BRI3BP: variants seen among roughly 807,000 people sequenced by gnomAD.
BRI3BP encodes BRI3-binding protein.
BRI3BP carries 7 observed loss-of-function variants against 15.8 expected under a neutral mutation model. The observed-to-expected ratio is 0.44, with a 90% CI of 0.25 to 0.83. The LOEUF (loss-of-function observed/expected upper bound fraction) is 0.83. BRI3BP is among the 40% of genes least tolerant of loss of function. The pLI is 0.20. For synonymous variants in BRI3BP, 192 were observed against 163.5 expected (o/e 1.17, Z -1.33); for missense variants, 320 against 339.3 (o/e 0.94, Z 0.45).
At position 125,028,544 on chromosome 12, in the gene BRI3BP, A is replaced by G. The variant is rs887535953; in HGVS notation, c.*3114A>G. The G allele has an allele frequency of 2.0e-5, 3 of 152,044 alleles. No individual in the cohort carries two copies. The highest frequency in any genetic ancestry group is 6.6e-5 in the Admixed American group (1 of 15,250). 9.4% of individuals were successfully genotyped at this position (152,044 alleles called of 1,614,324 possible). A position where few individuals can be genotyped will look rare whatever the true frequency, so the allele number is the denominator to read the frequency against. On this transcript the variant is annotated 3_prime_UTR_variant, in exon 3 of 3. Coordinates refer to ENST00000341446, the MANE Select transcript of BRI3BP (RefSeq NM_080626.6). The stretch of plus-strand genomic sequence containing the variant: ...AAGTGTAGGCTCTGAAGCCAGTTTT[A>G]TAGCTTGATACATTCTGGTGAAAGA...
chr12:125,037,436 A>C, the BRI3BP span, among the ~76,000 whole-genome samples: 2 of 152,218 alleles, frequency 1.3e-5, no homozygotes, highest in Non-Finnish European at 2.9e-5. Context: ...TAATTTAGGC[A>C]TAGCTATAGT....
the BRI3BP span, among the ~76,000 whole-genome samples, chr12:125,049,821 A>G: frequency 4.2e-3 from 610 of 144,456 alleles, 4 homozygotes; most frequent in African/African-American, 0.014. Context: ...GTGGCGCGTG[A>G]GTGTGTCCGG....
At chr12:125,009,078 C>A (rs1189677191) in intron 1 of BRI3BP, among the ~76,000 whole-genome samples, 1 of 149,142 alleles carries the variant, frequency 6.7e-6, no homozygotes, top group Non-Finnish European at 1.5e-5. Context: ...CAGGTTCAAG[C>A]GATTCTCCTG....
At chr12:125,045,790 T>A in the BRI3BP span, among the ~76,000 whole-genome samples, 1 of 152,204 alleles carries the variant, frequency 6.6e-6, no homozygotes, top group African/African-American at 2.4e-5. Flanking sequence ...TTTTTCTGTA[T>A]CAAAATTTTT....
chr12:124,994,025 G>A (rs1479657010), intron 1 of BRI3BP, 22 bp downstream of exon 1: 9 of 1,307,130 alleles, frequency 6.9e-6, no homozygotes, highest in South Asian at 1.9e-5. Context: ...GCCCGCGCCC[G>A]CGGTCACCTT....
At chr12:125,037,630 T>C in the BRI3BP span, among the ~76,000 whole-genome samples, 1 of 141,160 alleles carries the variant, frequency 7.1e-6, no homozygotes, top group Admixed American at 7.3e-5. Flanking sequence ...GCCAATATGG[T>C]GAAACCCCGT....
At chr12:125,022,629 C>T (rs1056647244) in intron 2 of BRI3BP, among the ~76,000 whole-genome samples, 2 of 151,568 alleles carry the variant, frequency 1.3e-5, no homozygotes, top group Non-Finnish European at 1.5e-5. Flanking sequence ...TGGGTTCAAG[C>T]GATTCTCGTG....
At chr12:125,034,318 T>G (rs1955427639), downstream of BRI3BP, among the ~76,000 whole-genome samples, 1 of 152,138 alleles carries the variant, frequency 6.6e-6, no homozygotes, top group Non-Finnish European at 1.5e-5. Flanking sequence ...AGTGTTGGGA[T>G]TACAGACGTG....
chr12:125,043,595 C>T, the BRI3BP span, among the ~76,000 whole-genome samples: 1 of 151,668 alleles, frequency 6.6e-6, no homozygotes, highest in African/African-American at 2.4e-5. Context: ...TGGTGGCGCA[C>T]CCTGTAATCC....
chr12:125,022,553 A>ATC (rs1955309722), intron 2 of BRI3BP, among the ~76,000 whole-genome samples: 1 of 89,804 alleles, frequency 1.1e-5, no homozygotes, highest in South Asian at 4.1e-4. Flanking sequence ...TTTTTGAGAC[A>ATC]GAGCCTCACT....
downstream of BRI3BP, among the ~76,000 whole-genome samples, chr12:125,032,985 C>G (rs1029331187): frequency 3.3e-5 from 5 of 152,106 alleles, no homozygotes; most frequent in African/African-American, 1.2e-4. Context: ...CAGCTACAGC[C>G]TCACCATCTC....
the BRI3BP span, among the ~76,000 whole-genome samples, chr12:125,037,993 G>A: frequency 3.0e-4 from 46 of 151,600 alleles, 1 homozygote; most frequent in African/African-American, 1.0e-3. Context: ...ATCTTAAGCA[G>A]TAGAAGTTCA....
intron 2 of BRI3BP, among the ~76,000 whole-genome samples, chr12:125,021,650 T>C (rs1439545290): frequency 6.6e-6 from 1 of 152,164 alleles, no homozygotes; most frequent in Admixed American, 6.5e-5. Flanking sequence ...TCAGGAAACT[T>C]GTAATCATGG....
chr12:124,994,734 C>A (rs1426210634), intron 1 of BRI3BP, among the ~76,000 whole-genome samples: 1 of 152,186 alleles, frequency 6.6e-6, no homozygotes, highest in African/African-American at 2.4e-5. Context: ...AGTCCGCCGA[C>A]TAGCTCTTGA....
chr12:125,018,671 CT>C (rs1035589414), intron 2 of BRI3BP, among the ~76,000 whole-genome samples: 495 of 136,408 alleles, frequency 3.6e-3, no homozygotes, highest in African/African-American at 5.7e-3. Context: ...AACTTCTGTT[CT>C]TTTTTTTTTT....
chr12:125,038,897 C>G, the BRI3BP span, among the ~76,000 whole-genome samples: 5 of 151,924 alleles, frequency 3.3e-5, no homozygotes, highest in Non-Finnish European at 5.9e-5. Flanking sequence ...CAAGACCAGC[C>G]TGGCCAACAT....
At chr12:124,995,217 A>G (rs1216821387) in intron 1 of BRI3BP, among the ~76,000 whole-genome samples, 1 of 152,124 alleles carries the variant, frequency 6.6e-6, no homozygotes, top group African/African-American at 2.4e-5. Context: ...GTCTTCATAC[A>G]TGTAGGGGAG....
chr12:125,009,629 G>GT (rs1565903875), intron 1 of BRI3BP, among the ~76,000 whole-genome samples: 2 of 132,956 alleles, frequency 1.5e-5, no homozygotes, highest in East Asian at 2.2e-4. Context: ...TGGGGGGGGG[G>GT]TCTCATTTTG....
At chr12:124,995,195 AG>A (rs1270881947) in intron 1 of BRI3BP, among the ~76,000 whole-genome samples, 2 of 152,220 alleles carry the variant, frequency 1.3e-5, no homozygotes, top group Admixed American at 1.3e-4. Context: ...CCTCTTGCAC[AG>A]GTGGGTCTGT....
Sources: gnomAD v4.1 joint callset for allele counts (sites outside exome capture counted in the v4.1 genomes callset) on GRCh38, gnomAD v4.1.1 for gene constraint, MANE v1.5 for transcripts, NCBI Gene and HGNC (gene_info 2026-07-23, HGNC 2026-07-21) for gene names.